Variants in CACNA2D1 observed in about 807,000 individuals in gnomAD.
CACNA2D1 encodes the protein calcium voltage-gated channel auxiliary subunit alpha2delta 1.
Under a neutral mutation model 171.5 loss-of-function variants are expected in CACNA2D1, and 53 were observed. The ratio of observed to expected loss-of-function variants is 0.31; its 90% CI spans 0.25 to 0.39. The LOEUF is 0.39. CACNA2D1 is among the 10% of genes least tolerant of loss of function. The pLI is 1.00. For synonymous variants in CACNA2D1, 442 were observed against 443.1 expected, an observed-to-expected ratio of 1.00 and a Z score of 0.03; for missense variants, 903 against 1,299.8, an observed-to-expected ratio of 0.69 and a Z score of 4.69.
intron 3 of CACNA2D1, among the ~76,000 whole-genome samples, chr7:82,232,597 G>T (rs1803064286): frequency 1.3e-5 from 2 of 151,982 alleles, no homozygotes; most frequent in South Asian, 4.1e-4. Context: ...CGGGTGCAGT[G>T]GCTCACGCCT....
At chr7:81,998,627 G>GC (rs1798287919) in intron 18 of CACNA2D1, among the ~76,000 whole-genome samples, 1 of 151,766 alleles carries the variant, frequency 6.6e-6, no homozygotes, top group Non-Finnish European at 1.5e-5. Context: ...TTAAAAAATA[G>GC]CCATGTCTGG....
At chr7:82,126,730 G>A (rs1307339317) in intron 5 of CACNA2D1, among the ~76,000 whole-genome samples, 4 of 152,136 alleles carry the variant, frequency 2.6e-5, no homozygotes, top group Non-Finnish European at 4.4e-5. Context: ...TTCAGACAAT[G>A]AGACACCAGA....
At chr7:82,160,080 G>GA (rs1209631016) in intron 4 of CACNA2D1, among the ~76,000 whole-genome samples, 1 of 151,696 alleles carries the variant, frequency 6.6e-6, no homozygotes, top group African/African-American at 2.4e-5. Context: ...AAACCAGTGG[G>GA]AAAAAAATCA....
intron 6 of CACNA2D1, among the ~76,000 whole-genome samples, chr7:82,097,569 T>C (rs541793281): frequency 3.3e-5 from 5 of 152,106 alleles, no homozygotes; most frequent in African/African-American, 7.2e-5. Context: ...GATATGAACA[T>C]TGGAAGAGAG....
At chr7:81,976,348 CATG>C (rs769019717) in intron 24 of CACNA2D1, among the ~76,000 whole-genome samples, 26 of 152,138 alleles carry the variant, frequency 1.7e-4, no homozygotes, top group Non-Finnish European at 3.2e-4. Flanking sequence ...TGGCCATTTT[CATG>C]ATATTGATCT....
intron 3 of CACNA2D1, among the ~76,000 whole-genome samples, chr7:82,242,604 T>G (rs192580201): frequency 6.6e-6 from 1 of 152,300 alleles, no homozygotes; most frequent in African/African-American, 2.4e-5. Context: ...CAGTCTTTTA[T>G]AGCAGTAATC....
chr7:82,010,712 C>T (rs181538098), intron 15 of CACNA2D1, among the ~76,000 whole-genome samples: 12 of 152,176 alleles, frequency 7.9e-5, no homozygotes, highest in African/African-American at 2.6e-4. Context: ...TCTTCCTTAG[C>T]GTGCAAGGCT....
intron 1 of CACNA2D1, among the ~76,000 whole-genome samples, chr7:82,357,055 A>G (rs961211311): frequency 2.0e-5 from 3 of 152,160 alleles, no homozygotes; most frequent in Admixed American, 1.3e-4. Context: ...ATTGAAAAAA[A>G]TCTTTTATAT....
At chr7:82,374,958 C>T (rs928950293) in intron 1 of CACNA2D1, among the ~76,000 whole-genome samples, 13 of 152,178 alleles carry the variant, frequency 8.5e-5, no homozygotes, top group Non-Finnish European at 1.5e-4. Flanking sequence ...GGATTAAGTA[C>T]GTAGCTGGAT....
At chr7:82,119,615 C>T (rs563191315) in intron 5 of CACNA2D1, among the ~76,000 whole-genome samples, 7 of 151,968 alleles carry the variant, frequency 4.6e-5, no homozygotes, top group African/African-American at 1.4e-4. Context: ...AAAAATATTC[C>T]TACTTATAGC....
intron 3 of CACNA2D1, among the ~76,000 whole-genome samples, chr7:82,255,745 G>A (rs1251535704): frequency 6.6e-6 from 1 of 152,192 alleles, no homozygotes; most frequent in African/African-American, 2.4e-5. Context: ...TTTCTTTAGA[G>A]GTAATGCTTG....
At position 82,436,443 on chromosome 7, in the gene CACNA2D1, T is replaced by C. The variant is rs1022124952; in HGVS notation, c.95+6922A>G. ...CAATAAACCATTTCCCAGAATTTCATAAAAACTAAGAATTTTTAAGTACTT... is the reference window on the plus strand; with the variant it reads ...CAATAAACCATTTCCCAGAATTTCACAAAAACTAAGAATTTTTAAGTACTT... On this transcript the variant is annotated intron_variant, in intron 1 of 38. Transcript: ENST00000356860. Among the ~76,000 whole-genome samples, 4 of 152,200 alleles carry C rather than the reference T, an allele frequency of 2.6e-5. 1 individual carries two copies. Among genetic ancestry groups the C allele is most frequent in the Admixed American group, 1.3e-4 (2 of 15,280 alleles).
chr7:82,434,525 A>T (rs77606833), intron 1 of CACNA2D1, among the ~76,000 whole-genome samples: 2,033 of 151,210 alleles, frequency 0.013, 19 homozygotes, highest in Middle Eastern at 0.055. Context: ...CACTCCTCCC[A>T]CTCTCCACCC....
At chr7:81,970,329 GA>G (rs1795139866) in intron 27 of CACNA2D1, among the ~76,000 whole-genome samples, 1 of 151,352 alleles carries the variant, frequency 6.6e-6, no homozygotes, top group Non-Finnish European at 1.5e-5. Context: ...CATCAAAGAA[GA>G]GTGAAAGATA....
intron 6 of CACNA2D1, among the ~76,000 whole-genome samples, chr7:82,096,732 T>C (rs1324283298): frequency 6.6e-6 from 1 of 150,930 alleles, no homozygotes; most frequent in Admixed American, 6.7e-5. Context: ...CAAAAGAGTA[T>C]TGTGACAGAT....
chr7:82,147,100 A>G lies in CACNA2D1; in HGVS notation c.355-10424T>C, dbSNP rs766652554. 1.0e-3 allele frequency among the ~76,000 whole-genome samples: 153 copies of G among 151,754 alleles called. 1 individual carries two copies. Among genetic ancestry groups the G allele is most frequent in the Non-Finnish European group, 2.0e-3 (133 of 67,932 alleles). On this transcript the variant is annotated intron_variant, in intron 4 of 38. Transcript: ENST00000356860. ...CACATAATTCATAACAGTCAAAAAA[A>G]AAGTGTAGAGCTTTACAAAAGCTCG...
intron 1 of CACNA2D1, among the ~76,000 whole-genome samples, chr7:82,383,640 C>T (rs1823962651): frequency 6.6e-6 from 1 of 152,170 alleles, no homozygotes; most frequent in Admixed American, 6.5e-5. Flanking sequence ...ATTACCTGAT[C>T]CTCTCAGAGT....
intron 4 of CACNA2D1, among the ~76,000 whole-genome samples, chr7:82,164,510 T>C (rs1210491872): frequency 1.3e-5 from 2 of 151,928 alleles, no homozygotes; most frequent in Non-Finnish European, 2.9e-5. Context: ...TATCAAAAGG[T>C]CTGAAAGTGA....
At chr7:82,153,203 T>C (rs1378852887) in intron 4 of CACNA2D1, among the ~76,000 whole-genome samples, 3 of 151,770 alleles carry the variant, frequency 2.0e-5, no homozygotes, top group Non-Finnish European at 4.4e-5. Flanking sequence ...TAAATAACTG[T>C]TTTCCTTTTT....
Sources: gnomAD v4.1 joint callset for allele counts (sites outside exome capture counted in the v4.1 genomes callset) on GRCh38, gnomAD v4.1.1 for gene constraint, MANE v1.5 for transcripts, NCBI Gene and HGNC (gene_info 2026-07-23, HGNC 2026-07-21) for gene names.